The following PTTG1 variants were observed in gnomAD, a reference collection of about 807,000 sequenced individuals.
PTTG1 encodes the protein securin.
In PTTG1, 8 loss-of-function variants were observed where a neutral mutation model predicts 20.0. The observed-to-expected ratio is 0.40, with a 90% confidence interval of 0.23 to 0.72. The LOEUF is 0.72. Ranked by LOEUF, PTTG1 falls within the 30% of genes least tolerant of loss-of-function variation. The pLI, the probability that PTTG1 is intolerant of heterozygous loss-of-function variation, is 0.38. For synonymous variants in PTTG1, 79 were observed against 87.2 expected (o/e 0.91, Z 0.52); for missense variants, 197 against 236.0 (o/e 0.83, Z 1.08).
intron 3 of PTTG1, among the ~76,000 whole-genome samples, chr5:160,423,572 T>C (rs981147756): frequency 1.3e-5 from 2 of 152,184 alleles, no homozygotes; most frequent in African/African-American, 4.8e-5. Flanking sequence ...AAGAAAAATA[T>C]TAAATACAGG....
intron 4 of PTTG1, among the ~76,000 whole-genome samples, chr5:160,427,114 C>T (rs1267481028): frequency 6.6e-6 from 1 of 152,196 alleles, no homozygotes; most frequent in Admixed American, 6.5e-5. Flanking sequence ...GCAACAAAGG[C>T]TGTCAGTTTT....
chr5:160,426,603 A>G (rs752196157), intron 4 of PTTG1, among the ~76,000 whole-genome samples: 1 of 152,258 alleles, frequency 6.6e-6, no homozygotes, highest in Non-Finnish European at 1.5e-5. Context: ...TTGACCATTC[A>G]GAAATACTGG....
chr5:160,427,795 G>A lies in PTTG1; in HGVS notation c.451G>A (p.Glu151Lys), dbSNP rs1464682472. 1.2e-6 allele frequency: 2 copies of A among 1,614,010 alleles called. No homozygotes were observed. Among genetic ancestry groups the A allele is most frequent in the African/African-American group, 2.7e-5 (2 of 74,892 alleles). The change falls in exon 5 of 6, where the codon GAG becomes AAG. Residue 151 changes from glutamate to lysine, a missense_variant. Glu to Lys is a moderately conservative substitution (Grantham distance 56, BLOSUM62 1). Transcript: ENST00000352433. The stretch of plus-strand genomic sequence containing the variant: ...TGGAGTGCCTCTCATGATCCTTGAC[G>A]AGGAGAGAGAGCTTGAAAAGCTGTT... ...LSGVPLMILD[E>K]ERELEKLFQL...
At chr5:160,426,942 T>C (rs1765819260) in intron 4 of PTTG1, among the ~76,000 whole-genome samples, 1 of 152,112 alleles carries the variant, frequency 6.6e-6, no homozygotes. Flanking sequence ...CTTGGGAGAC[T>C]GAGGCAGGAG....
intron 3 of PTTG1, among the ~76,000 whole-genome samples, chr5:160,423,277 G>A (rs1380650205): frequency 2.0e-5 from 3 of 152,194 alleles, no homozygotes; most frequent in African/African-American, 7.2e-5. Context: ...TTCTGTTGCT[G>A]CTTTAATAGC....
intron 5 of PTTG1, 152 bp from the exon 6 acceptor site, chr5:160,428,450 C>A: frequency 1.5e-6 from 1 of 679,008 alleles, no homozygotes; most frequent in South Asian, 1.9e-5. Flanking sequence ...GGGCCACAGA[C>A]ACATTCCAAA....
intron 3 of PTTG1, 70 bp downstream of exon 3, chr5:160,422,963 T>G (rs1765744970): frequency 4.7e-6 from 7 of 1,495,402 alleles, no homozygotes; most frequent in Non-Finnish European, 6.5e-6. Context: ...ACTATTGGCA[T>G]CATCCTACGT....
At chr5:160,428,536 C>A in intron 5 of PTTG1, 66 bp from the exon 6 acceptor site, 1 of 1,363,040 alleles carries the variant, frequency 7.3e-7, no homozygotes, top group Non-Finnish European at 1.0e-6. Context: ...CAGCTAATGT[C>A]TATGTTGATA....
chr5:160,423,982 T>G (rs1765764190), intron 3 of PTTG1, among the ~76,000 whole-genome samples: 1 of 152,230 alleles, frequency 6.6e-6, no homozygotes, highest in African/African-American at 2.4e-5. Flanking sequence ...ATAATTGCAT[T>G]GATTAGCTCT....
rs776918740 is a variant in PTTG1, at chr5:160,427,800, G to C, written c.456G>C (p.Glu152Asp). ...SGVPLMILDE[E>D]RELEKLFQLG... is the part of the protein sequence containing the mutation. ...TGCCTCTCATGATCCTTGACGAGGA[G>C]AGAGAGCTTGAAAAGCTGTTTCAGC... The change falls in exon 5 of 6, where the codon GAG becomes GAC. Residue 152 changes from glutamate (E) to aspartate (D), a missense_variant. Physicochemically the swap from Glu to Asp is conservative, Grantham distance 45. Coordinates refer to ENST00000352433, the MANE Select transcript of PTTG1 (RefSeq NM_004219.4). 1.9e-6 allele frequency: 3 copies of C among 1,614,050 alleles called. No homozygotes were observed. The highest frequency in any genetic ancestry group is 2.5e-6 in the Non-Finnish European group (3 of 1,180,048).
intron 3 of PTTG1, among the ~76,000 whole-genome samples, chr5:160,423,587 G>T (rs954301278): frequency 2.0e-5 from 3 of 152,250 alleles, no homozygotes; most frequent in Admixed American, 2.0e-4. Context: ...TACAGGAATT[G>T]CAAAGACATG....
chr5:160,427,894 C>G (rs549436067), intron 5 of PTTG1, 21 bp downstream of exon 5: 1 of 1,613,982 alleles, frequency 6.2e-7, no homozygotes, highest in South Asian at 1.1e-5. Flanking sequence ...AAGTGCCCTT[C>G]TGGAAGGGCT....
At position 160,422,895 on chromosome 5, in the gene PTTG1, T is replaced by TTG; in HGVS notation, c.276+2_276+3insTG. The TTG allele has an allele frequency of 6.2e-7, 1 of 1,613,962 alleles. No individual in the cohort carries two copies. The highest frequency in any genetic ancestry group is 1.1e-5 in the South Asian group (1 of 91,068). On this transcript the variant is annotated splice_region_variant and intron_variant, in intron 3 of 5. Coordinates refer to ENST00000352433, the MANE Select transcript of PTTG1 (RefSeq NM_004219.4). ...CAGCCAAGCTTTTCTGCCAAAAAGG[T>TTG]AAGTGTTGGCTATAAAGACACTGTT...
chr5:160,424,196 C>T (rs1765767775), intron 3 of PTTG1, 41 bp from the exon 4 acceptor site: 3 of 1,429,382 alleles, frequency 2.1e-6, no homozygotes, highest in Non-Finnish European at 2.9e-6. Flanking sequence ...GCTAATAAGA[C>T]TTCCACTGTC....
chr5:160,423,096 C>A, intron 3 of PTTG1: 1 of 603,106 alleles, frequency 1.7e-6, no homozygotes, highest in Non-Finnish European at 2.9e-6. Flanking sequence ...GCAGCTAATG[C>A]ATATTTTTGC....
At chr5:160,425,144 A>G (rs1341219647) in intron 4 of PTTG1, among the ~76,000 whole-genome samples, 2 of 152,148 alleles carry the variant, frequency 1.3e-5, no homozygotes, top group African/African-American at 2.4e-5. Flanking sequence ...TTAGCCAAAG[A>G]GGTCATGTAG....
chr5:160,422,605 G>A lies in PTTG1; in HGVS notation c.92-104G>A, dbSNP rs370567842. 5.9e-5 allele frequency: 79 copies of A among 1,331,930 alleles called. No individual in the cohort carries two copies. In the African/African-American group the frequency reaches 1.0e-3, roughly 17 times the overall value. 82.5% of individuals were successfully genotyped at this position (1,331,930 alleles called of 1,614,324 possible). A position where few individuals can be genotyped will look rare whatever the true frequency, so the allele number is the denominator to read the frequency against. On this transcript the variant is annotated intron_variant, in intron 2 of 5. Transcript: ENST00000352433. ...TCATAGCCATGCCACTACCAAAAGT[G>A]GGGGGTGGGTTTGGGGGTGAGAGGT...
At position 160,424,277 on chromosome 5, in the gene PTTG1, C is replaced by T. The variant is rs1394619534; in HGVS notation, c.317C>T (p.Ala106Val). 1 of 1,612,854 alleles carries T rather than the reference C, an allele frequency of 6.2e-7. No individual in the cohort carries two copies. Among genetic ancestry groups the T allele is most frequent in the African/African-American group, 1.3e-5 (1 of 74,890 alleles). Residue 106 changes from alanine (A) to valine (V), a missense_variant, in exon 4 of 6, where the codon GCC (alanine) becomes GTC (valine). Transcript: ENST00000352433. Reference protein sequence around the residue: ...KTVKAKSSVPASDDAYPEIEK... With the variant: ...KTVKAKSSVPVSDDAYPEIEK... ...GTTAAAGCAAAAAGCTCTGTTCCTG[C>T]CTCAGATGATGCCTATCCAGAAATA...
In PTTG1 at chr5:160,421,860, G is replaced by A. The variant is rs940693579; in HGVS notation, c.-43G>A. The A allele has an allele frequency of 6.3e-6, 1 of 158,292 alleles. No homozygotes were observed. Among genetic ancestry groups the A allele is most frequent in the African/African-American group, 2.4e-5 (1 of 41,542 alleles). 9.8% of individuals were successfully genotyped at this position (158,292 alleles called of 1,614,324 possible). On this transcript the variant is annotated 5_prime_UTR_variant, in exon 1 of 6. Coordinates refer to ENST00000352433, the MANE Select transcript of PTTG1 (RefSeq NM_004219.4). The stretch of plus-strand genomic sequence containing the variant: ...GGAGTGCGCCGCGTCCGTTCACCGC[G>A]GCCTCAGATGAATGCGGCTGTTAAG...
Sources: allele counts gnomAD v4.1 joint callset (sites outside exome capture counted in the v4.1 genomes callset), GRCh38; gene constraint gnomAD v4.1.1; transcripts MANE v1.5; gene names NCBI Gene and HGNC (gene_info 2026-07-23, HGNC 2026-07-21).